GREB1L: variants seen among roughly 807,000 people sequenced by gnomAD.
GREB1L encodes the protein GREB1 like retinoic acid receptor coactivator.
Under a neutral mutation model 200.8 loss-of-function variants are expected in GREB1L, and 17 were observed. The observed-to-expected ratio is 0.08, with a 90% confidence interval of 0.06 to 0.13. The LOEUF (loss-of-function observed/expected upper bound fraction) is 0.13, where lower values mean the gene tolerates loss of function less well. Among genes scored for constraint, GREB1L ranks in the 10% least tolerant of loss-of-function variants. The pLI, the probability that GREB1L is intolerant of heterozygous loss-of-function variation, is 1.00. For missense variants in GREB1L, 1,657 were observed against 2,367.7 expected, an observed-to-expected ratio of 0.70 and a Z score of 6.23; for synonymous variants, 789 against 893.0, an observed-to-expected ratio of 0.88 and a Z score of 2.08.
chr18:21,414,633 T>A (rs2031442565), intron 7 of GREB1L, among the ~76,000 whole-genome samples: 1 of 152,162 alleles, frequency 6.6e-6, no homozygotes, highest in Non-Finnish European at 1.5e-5. Context: ...TACTGGGTAC[T>A]AGGAGATGAG....
chr18:21,268,518 TATATACACACACACAC>T (rs2038012357), intron 1 of GREB1L, among the ~76,000 whole-genome samples: 1 of 77,304 alleles, frequency 1.3e-5, no homozygotes, highest in East Asian at 3.8e-4. Flanking sequence ...TATGTATATA[TATATACACACACACAC>T]ACACACACAC....
intron 15 of GREB1L, chr18:21,468,631 A>C: frequency 4.5e-6 from 2 of 444,334 alleles, no homozygotes; most frequent in South Asian, 3.2e-5. Flanking sequence ...ACCTAACTAT[A>C]ATACAATTAT....
At chr18:21,427,365 C>T (rs1408566092) in intron 7 of GREB1L, among the ~76,000 whole-genome samples, 2 of 152,000 alleles carry the variant, frequency 1.3e-5, no homozygotes, top group Non-Finnish European at 2.9e-5. Context: ...ATTAGCCGGG[C>T]ATGGTGGCAT....
At chr18:21,335,916 G>C (rs2039178227) in intron 1 of GREB1L, among the ~76,000 whole-genome samples, 1 of 152,014 alleles carries the variant, frequency 6.6e-6, no homozygotes, top group Non-Finnish European at 1.5e-5. Flanking sequence ...ACCTTCCTCA[G>C]CCTCCCAAAG....
At chr18:21,379,343 A>G (rs1048473925) in intron 2 of GREB1L, among the ~76,000 whole-genome samples, 13 of 152,186 alleles carry the variant, frequency 8.5e-5, no homozygotes, top group Admixed American at 5.9e-4. Context: ...AGTAGCTGGG[A>G]TTACAGGCAG....
At chr18:21,373,422 G>A (rs772465214) in intron 2 of GREB1L, among the ~76,000 whole-genome samples, 22 of 151,852 alleles carry the variant, frequency 1.4e-4, no homozygotes, top group Non-Finnish European at 2.4e-4. Context: ...CAACCTCCGC[G>A]TCCCAGGTTC....
At chr18:21,445,120 A>C (rs1363117494) in intron 11 of GREB1L, among the ~76,000 whole-genome samples, 1 of 152,258 alleles carries the variant, frequency 6.6e-6, no homozygotes, top group African/African-American at 2.4e-5. Context: ...TGCAAATGGC[A>C]GTAGGCCATC....
At chr18:21,274,268 C>CT (rs1184845982) in intron 1 of GREB1L, among the ~76,000 whole-genome samples, 1 of 152,068 alleles carries the variant, frequency 6.6e-6, no homozygotes, top group Non-Finnish European at 1.5e-5. Flanking sequence ...ACCTTATGAC[C>CT]TGATTACCTC....
chr18:21,340,261 T>C (rs1313037726), intron 1 of GREB1L, among the ~76,000 whole-genome samples: 1 of 150,916 alleles, frequency 6.6e-6, no homozygotes, highest in Non-Finnish European at 1.5e-5. Context: ...ACTAAAAATA[T>C]AAAAAAAAAT....
intron 1 of GREB1L, among the ~76,000 whole-genome samples, chr18:21,261,769 A>T (rs2037893676): frequency 6.6e-6 from 1 of 152,152 alleles, no homozygotes; most frequent in Non-Finnish European, 1.5e-5. Flanking sequence ...TACTTAAGCC[A>T]CATAAATGTA....
chr18:21,514,795 G>A (rs573271867), intron 28 of GREB1L, among the ~76,000 whole-genome samples: 104 of 152,282 alleles, frequency 6.8e-4, no homozygotes, highest in African/African-American at 2.1e-3. Flanking sequence ...CATATCTCAA[G>A]TCCATCACCT....
intron 32 of GREB1L, 150 bp from the exon 33 acceptor site, chr18:21,522,508 A>C: frequency 4.8e-6 from 3 of 620,862 alleles, no homozygotes; most frequent in Non-Finnish European, 7.7e-6. Context: ...GAATTTGCAA[A>C]ACTACTTAAT....
chr18:21,367,237 C>G (rs1480773094), intron 2 of GREB1L, among the ~76,000 whole-genome samples: 3 of 152,132 alleles, frequency 2.0e-5, no homozygotes, highest in African/African-American at 7.2e-5. Context: ...GGCAAAAACT[C>G]CTGATTTATC....
chr18:21,500,226 G>T lies in GREB1L; in HGVS notation c.3889G>T (p.Asp1297Tyr). ...QWTLARQHHADYSNQLDPASG... is the reference protein window; with the variant it reads ...QWTLARQHHAYYSNQLDPASG... ...GACCTTGGCCCGGCAGCACCACGCT[G>T]ACTATAGCAACCAGCTGGACCCGGC... Residue 1297 changes from aspartate (D) to tyrosine (Y), a missense_variant, in exon 22 of 33, where the codon GAC becomes TAC. By Grantham distance (160) the Asp-to-Tyr change is radical. This residue lies in a region of GREB1L where 512 missense variants were observed against 668.3 expected (regional missense o/e 0.77). Transcript: ENST00000424526. 1 of 1,534,990 alleles carries T rather than the reference G, an allele frequency of 6.5e-7. No homozygotes were observed.
chr18:21,446,119 T>C (rs370886195), intron 11 of GREB1L, among the ~76,000 whole-genome samples: 29 of 152,148 alleles, frequency 1.9e-4, no homozygotes, highest in Admixed American at 1.1e-3. Context: ...CCACCTCCCA[T>C]GTTCAAGCAA....
chr18:21,426,048 T>C (rs2032540131), intron 7 of GREB1L, among the ~76,000 whole-genome samples: 1 of 145,670 alleles, frequency 6.9e-6, no homozygotes, highest in Non-Finnish European at 1.5e-5. Context: ...TATAATCTAT[T>C]TTAGGTTAAT....
chr18:21,453,425 G>A (rs2034617975), intron 14 of GREB1L, among the ~76,000 whole-genome samples: 1 of 152,182 alleles, frequency 6.6e-6, no homozygotes. Flanking sequence ...ATTAGCACAG[G>A]TTAATTAGGC....
intron 17 of GREB1L, among the ~76,000 whole-genome samples, chr18:21,479,401 A>G (rs1455883845): frequency 2.6e-5 from 4 of 152,130 alleles, no homozygotes; most frequent in African/African-American, 7.2e-5. Flanking sequence ...CATTTTAGCC[A>G]GGCACAGTGG....
At chr18:21,448,017 G>A (rs879740232) in intron 11 of GREB1L, among the ~76,000 whole-genome samples, 1 of 151,954 alleles carries the variant, frequency 6.6e-6, no homozygotes, top group Non-Finnish European at 1.5e-5. Context: ...ACAAAAATTA[G>A]CCAGGCATGT....
Sources: allele counts gnomAD v4.1 joint callset (sites outside exome capture counted in the v4.1 genomes callset), GRCh38; gene constraint gnomAD v4.1.1; regional missense constraint gnomAD v4.1.1; transcripts MANE v1.5; gene names NCBI Gene and HGNC (gene_info 2026-07-23, HGNC 2026-07-21).